GRK3: variants seen among roughly 807,000 people sequenced by gnomAD.
The protein encoded by GRK3 is adrenergic, beta, receptor kinase 2.
A neutral mutation model predicts 95.7 loss-of-function variants in GRK3; 54 were observed. That is an observed-to-expected ratio of 0.56 (90% CI 0.45 to 0.71). The LOEUF (loss-of-function observed/expected upper bound fraction) is 0.71, where lower values mean the gene tolerates loss of function less well. Among genes scored for constraint, GRK3 ranks in the 30% least tolerant of loss-of-function variants. The pLI, the probability that GRK3 is intolerant of heterozygous loss-of-function variation, is 0.00. For synonymous variants in GRK3, 281 were observed against 290.8 expected, an observed-to-expected ratio of 0.97 and a Z score of 0.34; for missense variants, 649 against 851.2, an observed-to-expected ratio of 0.76 and a Z score of 2.96.
At chr22:25,644,344 T>G (rs963943705) in intron 2 of GRK3, among the ~76,000 whole-genome samples, 2 of 151,522 alleles carry the variant, frequency 1.3e-5, no homozygotes, top group African/African-American at 4.8e-5. Flanking sequence ...TTGTGGAAAG[T>G]GGGGGGCGGG....
At chr22:25,600,429 C>T (rs548376520) in intron 1 of GRK3, among the ~76,000 whole-genome samples, 4 of 152,128 alleles carry the variant, frequency 2.6e-5, no homozygotes, top group Non-Finnish European at 2.9e-5. Context: ...TGTGAGCCGC[C>T]GTGCCTGGCC....
chr22:25,598,320 G>A (rs1489822009), intron 1 of GRK3, among the ~76,000 whole-genome samples: 1 of 152,038 alleles, frequency 6.6e-6, no homozygotes, highest in Non-Finnish European at 1.5e-5. Context: ...TAAGAAGAAG[G>A]CAAGAAAAGA....
chr22:25,679,704 G>A lies in GRK3; in HGVS notation c.747+789G>A, dbSNP rs181256348. Among the ~76,000 whole-genome samples, 109 of 152,242 alleles carry A rather than the reference G, an allele frequency of 7.2e-4. 1 individual carries two copies. Among genetic ancestry groups the A allele is most frequent in the Non-Finnish European group, 1.3e-3 (88 of 68,010 alleles). On this transcript the variant is annotated intron_variant, in intron 9 of 20. Transcript: ENST00000324198. ...TGTGCACTGGTATGGCTGTGACCTG[G>A]TGTTCAGAGTGGGTTAGGGAGTCAG... is the stretch of plus-strand genomic sequence containing the variant.
At chr22:25,566,076 T>C (rs1931468986) in intron 1 of GRK3, among the ~76,000 whole-genome samples, 1 of 152,212 alleles carries the variant, frequency 6.6e-6, no homozygotes, top group Non-Finnish European at 1.5e-5. Context: ...AAAAATAGTT[T>C]GTCTGGTTAA....
chr22:25,647,020 C>CAAAAAAAAAAAAA (rs1025786169), intron 3 of GRK3, among the ~76,000 whole-genome samples: 3 of 54,014 alleles, frequency 5.6e-5, no homozygotes, highest in African/African-American at 1.3e-4. Flanking sequence ...GACTTTGTCT[C>CAAAAAAAAAAAAA]AAAAAAAAAA....
At chr22:25,571,010 G>A (rs996400204) in intron 1 of GRK3, among the ~76,000 whole-genome samples, 7 of 152,152 alleles carry the variant, frequency 4.6e-5, no homozygotes, top group African/African-American at 1.7e-4. Context: ...GACATATTTT[G>A]TAAAATATTT....
intron 1 of GRK3, among the ~76,000 whole-genome samples, chr22:25,591,029 G>A (rs1444811259): frequency 3.9e-5 from 6 of 152,008 alleles, no homozygotes; most frequent in African/African-American, 1.5e-4. Flanking sequence ...CCTCCCCACT[G>A]CTAGGTTAAG....
Position 25,630,326 on chromosome 22 carries a change from C to T in GRK3, c.191-14266C>T, listed in dbSNP as rs2084655666. On this transcript the variant is annotated intron_variant, in intron 2 of 20. Coordinates refer to ENST00000324198, the MANE Select transcript of GRK3 (RefSeq NM_005160.4). Reference sequence around the variant, plus strand: ...TTAATATTTGTTCTTAGAGAAGTCTCTGGGAAATGTAAGTCGTATGGCTTA... The same window carrying T: ...TTAATATTTGTTCTTAGAGAAGTCTTTGGGAAATGTAAGTCGTATGGCTTA... Among the ~76,000 whole-genome samples, 4 of 152,288 alleles carry T rather than the reference C, an allele frequency of 2.6e-5. No homozygotes were observed. The South Asian group carries it at 8.3e-4, about 32-fold the overall frequency.
chr22:25,658,966 G>A (rs2084892057), intron 3 of GRK3, among the ~76,000 whole-genome samples: 1 of 152,110 alleles, frequency 6.6e-6, no homozygotes, highest in Non-Finnish European at 1.5e-5. Context: ...AACTGAAAAT[G>A]TCAAATAGAT....
chr22:25,569,462 A>G (rs1931606713), intron 1 of GRK3, among the ~76,000 whole-genome samples: 1 of 152,210 alleles, frequency 6.6e-6, no homozygotes, highest in South Asian at 2.1e-4. Context: ...CGAGAGCCTC[A>G]TAGATCTCTC....
chr22:25,676,584 G>A (rs752078371), intron 8 of GRK3, among the ~76,000 whole-genome samples: 12 of 151,652 alleles, frequency 7.9e-5, no homozygotes, highest in Non-Finnish European at 1.5e-4. Context: ...CCAGCTACTC[G>A]AGAGGCTGAG....
At chr22:25,674,313 A>G in intron 7 of GRK3, 124 bp from the exon 8 acceptor site, 1 of 718,966 alleles carries the variant, frequency 1.4e-6, no homozygotes, top group Non-Finnish European at 2.2e-6. Context: ...CTCAGTCATG[A>G]AAAGGGTAGA....
At chr22:25,583,845 T>C (rs1932190438) in intron 1 of GRK3, among the ~76,000 whole-genome samples, 1 of 152,246 alleles carries the variant, frequency 6.6e-6, no homozygotes, top group African/African-American at 2.4e-5. Flanking sequence ...AGATCAGAAA[T>C]TCTTGAATTC....
chr22:25,591,596 T>C (rs1467634461), intron 1 of GRK3, among the ~76,000 whole-genome samples: 6 of 152,072 alleles, frequency 3.9e-5, no homozygotes, highest in Non-Finnish European at 5.9e-5. Flanking sequence ...AAAGGGCTCC[T>C]TAGGAATAAA....
chr22:25,683,266 T>A (rs1328275413), intron 9 of GRK3, among the ~76,000 whole-genome samples: 3 of 152,266 alleles, frequency 2.0e-5, no homozygotes, highest in Non-Finnish European at 4.4e-5. Flanking sequence ...TACTATCCAT[T>A]CTACTGTTGG....
intron 10 of GRK3, 117 bp downstream of exon 10, chr22:25,685,365 C>T: frequency 1.2e-6 from 1 of 803,438 alleles, no homozygotes; most frequent in Non-Finnish European, 2.1e-6. Context: ...TTAGGTTCCC[C>T]CTGAAGTTTG....
intron 1 of GRK3, among the ~76,000 whole-genome samples, chr22:25,588,911 G>C (rs1386363993): frequency 6.6e-6 from 1 of 151,928 alleles, no homozygotes; most frequent in African/African-American, 2.4e-5. Context: ...TGAGACTACA[G>C]GTTCATGCCA....
chr22:25,699,542 A>T (rs961724053), intron 13 of GRK3, among the ~76,000 whole-genome samples: 3 of 152,214 alleles, frequency 2.0e-5, no homozygotes, highest in African/African-American at 7.2e-5. Flanking sequence ...CAACACCCCA[A>T]CAAAGAATCC....
At chr22:25,635,805 G>A (rs1173644103) in intron 2 of GRK3, among the ~76,000 whole-genome samples, 8 of 152,154 alleles carry the variant, frequency 5.3e-5, no homozygotes, top group Non-Finnish European at 1.2e-4. Context: ...TTTGCACTAC[G>A]TAAATATTCT....
Sources: allele counts gnomAD v4.1 joint callset (sites outside exome capture counted in the v4.1 genomes callset), GRCh38; gene constraint gnomAD v4.1.1; transcripts MANE v1.5; gene names NCBI Gene and HGNC (gene_info 2026-07-23, HGNC 2026-07-21).